Variants in CSMD2 observed in about 807,000 individuals in gnomAD.
CSMD2 encodes CUB and Sushi multiple domains 2, also known as CUB and sushi domain-containing protein 2.
In CSMD2, 130 loss-of-function variants were observed where a neutral mutation model predicts 398.5. The observed-to-expected ratio is 0.33, with a 90% CI of 0.28 to 0.38. The LOEUF is 0.38. Ranked by LOEUF, CSMD2 falls within the 10% of genes least tolerant of loss-of-function variation. The pLI, the probability that CSMD2 is intolerant of heterozygous loss-of-function variation, is 1.00. For missense variants in CSMD2, 3,829 were observed against 4,764.9 expected (o/e 0.80, Z 5.78); for synonymous variants, 1,828 against 1,908.5 (o/e 0.96, Z 1.10).
chr1:33,577,263 TACCTTGTG>T, intron 49 of CSMD2, 25 bp downstream of exon 49: 1 of 1,565,794 alleles, frequency 6.4e-7, no homozygotes, highest in Non-Finnish European at 8.7e-7. Flanking sequence ...GGATCCGAGC[TACCTTGTG>T]ACCCCCTTTC....
Position 34,164,847 on chromosome 1 carries a change from G to C in CSMD2, c.187+64C>G, listed in dbSNP as rs1044679173. 1 of 1,202,712 alleles carries C rather than the reference G, an allele frequency of 8.3e-7. No individual in the cohort carries two copies. Among genetic ancestry groups the C allele is most frequent in the Non-Finnish European group, 1.0e-6 (1 of 966,748 alleles). 74.5% of individuals were successfully genotyped at this position (1,202,712 alleles called of 1,614,324 possible). A position where few individuals can be genotyped will look rare whatever the true frequency, so the allele number is the denominator to read the frequency against. On this transcript the variant is annotated intron_variant, in intron 1 of 70. Transcript: ENST00000373381. This position sits in a 1 kb window ranked among gnomAD's most constrained non-coding sequence, Gnocchi z 6.2. Reference sequence around the variant, plus strand: ...AGGGACTGGGACCGGGTCGAGGATGGGTGGGCTCGGGGCTCGGGTGGGGCG... The same window carrying C: ...AGGGACTGGGACCGGGTCGAGGATGCGTGGGCTCGGGGCTCGGGTGGGGCG...
At chr1:33,641,156 G>A (rs1196726646) in intron 29 of CSMD2, among the ~76,000 whole-genome samples, 1 of 152,162 alleles carries the variant, frequency 6.6e-6, no homozygotes, top group Non-Finnish European at 1.5e-5. Context: ...TCTCAGAGGA[G>A]CCTGTTGTTT....
At chr1:33,977,275 G>A (rs1009120737) in intron 3 of CSMD2, among the ~76,000 whole-genome samples, 3 of 151,972 alleles carry the variant, frequency 2.0e-5, no homozygotes, top group Non-Finnish European at 4.4e-5. Context: ...TGGTGAGGGA[G>A]GTGAGTGGGC....
chr1:33,674,381 AG>A (rs1025472001), intron 25 of CSMD2, among the ~76,000 whole-genome samples: 34 of 152,280 alleles, frequency 2.2e-4, no homozygotes, highest in African/African-American at 7.7e-4. Context: ...ATAATGGTAA[AG>A]GGATCAATTC....
chr1:33,632,242 A>C (rs113658583), intron 32 of CSMD2, among the ~76,000 whole-genome samples: 74 of 152,190 alleles, frequency 4.9e-4, no homozygotes, highest in African/African-American at 1.6e-3. Context: ...ATAAAAGCAA[A>C]GGAGAAAACT....
chr1:33,675,849 G>C, intron 25 of CSMD2, among the ~76,000 whole-genome samples: 1 of 152,090 alleles, frequency 6.6e-6, no homozygotes, highest in African/African-American at 2.4e-5. Flanking sequence ...CAGAACCAAA[G>C]ACAAAAACCA....
At chr1:34,033,672 C>T (rs1650744838) in intron 2 of CSMD2, among the ~76,000 whole-genome samples, 1 of 152,156 alleles carries the variant, frequency 6.6e-6, no homozygotes, top group South Asian at 2.1e-4. Context: ...AGGTAGGAAT[C>T]TAGGAGGAAT....
At chr1:34,121,291 G>T (rs1343786131) in intron 1 of CSMD2, among the ~76,000 whole-genome samples, 1 of 152,220 alleles carries the variant, frequency 6.6e-6, no homozygotes, top group Non-Finnish European at 1.5e-5. Flanking sequence ...CATTGGGCTT[G>T]TGGGGGCAGC....
At chr1:33,611,696 A>C (rs529935414) in intron 40 of CSMD2, among the ~76,000 whole-genome samples, 2 of 152,356 alleles carry the variant, frequency 1.3e-5, no homozygotes, top group Admixed American at 1.3e-4. Context: ...TCAGAAACGT[A>C]GGGCTTAGAA....
chr1:33,980,448 C>G (rs979276478), intron 3 of CSMD2, among the ~76,000 whole-genome samples: 3 of 152,208 alleles, frequency 2.0e-5, no homozygotes, highest in Non-Finnish European at 4.4e-5. Flanking sequence ...GATCTTCTGA[C>G]TCCCTGGAGA....
Position 34,032,589 on chromosome 1 carries a change from C to T in CSMD2, c.517+5G>A. The T allele has an allele frequency of 5.7e-6, 9 of 1,570,318 alleles. No individual in the cohort carries two copies. The highest frequency in any genetic ancestry group is 7.8e-6 in the Non-Finnish European group (9 of 1,156,062). On this transcript the variant is annotated splice_donor_5th_base_variant and intron_variant, in intron 3 of 70. Coordinates refer to ENST00000373381, the MANE Select transcript of CSMD2 (RefSeq NM_001281956.2). ...GCTCCTGTGGCCGATGAGGGAGGCA[C>T]TTACCTTCATAGGTGGCGTGGAAGC...
chr1:33,957,994 G>A (rs1645227039), intron 3 of CSMD2, among the ~76,000 whole-genome samples: 1 of 152,100 alleles, frequency 6.6e-6, no homozygotes, highest in South Asian at 2.1e-4. Flanking sequence ...CTGCTGCTAG[G>A]TGACTGCAGA....
chr1:33,928,200 T>G (rs995181373), intron 4 of CSMD2, among the ~76,000 whole-genome samples: 2 of 152,184 alleles, frequency 1.3e-5, no homozygotes, highest in African/African-American at 4.8e-5. Context: ...GCACGTGGAC[T>G]TGCGCTGAAT....
intron 5 of CSMD2, among the ~76,000 whole-genome samples, chr1:33,884,094 A>G (rs1379244392): frequency 2.0e-5 from 3 of 151,972 alleles, no homozygotes; most frequent in Non-Finnish European, 2.9e-5. Flanking sequence ...TGTCAGCGCA[A>G]TCAACTCCAT....
chr1:33,540,776 G>A (rs1656254070), intron 59 of CSMD2, 78 bp from the exon 60 acceptor site: 11 of 1,520,130 alleles, frequency 7.2e-6, no homozygotes, highest in East Asian at 4.5e-5. Context: ...TGATATCACC[G>A]ACTACCCTGC....
intron 28 of CSMD2, among the ~76,000 whole-genome samples, chr1:33,647,694 G>A (rs986007258): frequency 1.3e-5 from 2 of 152,154 alleles, no homozygotes; most frequent in East Asian, 3.9e-4. Flanking sequence ...TTGAAGCAAG[G>A]AAAAACATTA....
intron 13 of CSMD2, among the ~76,000 whole-genome samples, chr1:33,751,197 AT>A (rs1177145754): frequency 6.6e-6 from 1 of 151,820 alleles, no homozygotes; most frequent in Non-Finnish European, 1.5e-5. Context: ...CAACAGAGCT[AT>A]TGAGTTGGGA....
chr1:33,619,395 C>T (rs1641612745), intron 37 of CSMD2, among the ~76,000 whole-genome samples: 1 of 152,064 alleles, frequency 6.6e-6, no homozygotes, highest in South Asian at 2.1e-4. Context: ...GGAAAAGAAA[C>T]AGGAAAGGAC....
chr1:33,568,161 G>A (rs552463513), intron 52 of CSMD2, among the ~76,000 whole-genome samples: 2 of 143,446 alleles, frequency 1.4e-5, no homozygotes, highest in African/African-American at 5.1e-5. Context: ...AACAAGAAAC[G>A]CCCCCAAAAA....
Sources: allele counts gnomAD v4.1 joint callset (sites outside exome capture counted in the v4.1 genomes callset), GRCh38; gene constraint gnomAD v4.1.1; non-coding constraint Gnocchi (gnomAD v3.1); transcripts MANE v1.5; gene names NCBI Gene and HGNC (gene_info 2026-07-23, HGNC 2026-07-21).